The following PIGN variants were observed in gnomAD, a reference collection of about 807,000 sequenced individuals.
PIGN encodes phosphatidylinositol glycan anchor biosynthesis class N.
Under a neutral mutation model 125.4 loss-of-function variants are expected in PIGN, and 117 were observed. That is an observed-to-expected ratio of 0.93 (90% CI 0.80 to 1.09). The LOEUF (loss-of-function observed/expected upper bound fraction) is 1.09. Ranked by LOEUF, PIGN falls within the 50% of genes least tolerant of loss-of-function variation. PIGN has a pLI of 0.00. For missense variants in PIGN, 1,075 were observed against 1,094.9 expected (o/e 0.98, Z 0.26); for synonymous variants, 392 against 377.8 (o/e 1.04, Z -0.44).
chr18:62,072,978 A>G (rs1212248265), intron 29 of PIGN, among the ~76,000 whole-genome samples: 7 of 152,170 alleles, frequency 4.6e-5, no homozygotes, highest in African/African-American at 1.7e-4. Context: ...ATAAAGAAGA[A>G]CAAGCCAACA....
Position 62,140,875 on chromosome 18 carries a change from C to T in PIGN, c.964-396G>A, listed in dbSNP as rs117684022. On this transcript the variant is annotated intron_variant, in intron 11 of 30. Transcript: ENST00000640252. ...TATATTAAGTAGAAAAACAAAGTAT[C>T]AGAAGGAGGTTTGACCAGCCAGTGA... Among the ~76,000 whole-genome samples, 626 of 152,178 alleles carry T rather than the reference C, an allele frequency of 4.1e-3. 6 individuals are homozygous for T. The highest frequency in any genetic ancestry group is 0.024 in the South Asian group (116 of 4,816).
chr18:62,101,146 CTA>C lies in PIGN; in HGVS notation c.2004_2005del (p.Tyr668Ter). 6.2e-7 allele frequency: 1 copy of C among 1,609,008 alleles called. No homozygotes were observed. The highest frequency in any genetic ancestry group is 8.5e-7 in the Non-Finnish European group (1 of 1,176,196). ...CTTCCTGAGTAGACTACTCTGAGTG[CTA>C]TACACAACATACATGGAGAGCACTG... is the stretch of plus-strand genomic sequence containing the variant. On this transcript the variant is annotated stop_gained and frameshift_variant, in exon 22 of 31. Transcript: ENST00000640252. LOFTEE classifies it high-confidence loss of function.
intron 14 of PIGN, among the ~76,000 whole-genome samples, chr18:62,128,486 G>C (rs1746543138): frequency 2.0e-5 from 3 of 152,110 alleles, no homozygotes; most frequent in African/African-American, 7.2e-5. Context: ...CTTTAGAACA[G>C]ATGGGGTCCA....
At chr18:62,098,668 G>C (rs962385887) in intron 22 of PIGN, among the ~76,000 whole-genome samples, 1 of 152,112 alleles carries the variant, frequency 6.6e-6, no homozygotes, top group Non-Finnish European at 1.5e-5. Flanking sequence ...TGGTGTATCT[G>C]TGCCTAAAAG....
chr18:62,059,201 C>G (rs1168769523), intron 30 of PIGN: 1 of 121,984 alleles, frequency 8.2e-6, no homozygotes, highest in Non-Finnish European at 1.7e-5. Flanking sequence ...AAAAAAAACA[C>G]TGGATATAAT....
intron 16 of PIGN, among the ~76,000 whole-genome samples, chr18:62,110,845 AAT>A (rs938425499): frequency 6.8e-6 from 1 of 147,762 alleles, no homozygotes; most frequent in Non-Finnish European, 1.5e-5. Flanking sequence ...CATAATAAAA[AAT>A]ATATATATAA....
At position 62,143,328 on chromosome 18, in the gene PIGN, C is replaced by T. The variant is rs1237960253; in HGVS notation, c.941G>A (p.Trp314Ter). The T allele has an allele frequency of 1.3e-6, 2 of 1,529,250 alleles. No homozygotes were observed. The highest frequency in any genetic ancestry group is 1.8e-6 in the Non-Finnish European group (2 of 1,114,594). 94.7% of individuals were successfully genotyped at this position (1,529,250 alleles called of 1,614,324 possible). Residue 314 changes from tryptophan to a stop codon, truncating the protein, a stop_gained, in exon 11 of 31, where the codon TGG (tryptophan) becomes TAG (stop). Coordinates refer to ENST00000640252, the MANE Select transcript of PIGN (RefSeq NM_176787.5). LOFTEE classifies it high-confidence loss of function. ...AFLKEWRLENWKRLDVNQADI... is the reference protein window; with the variant it reads ...AFLKEWRLEN ...TACCTGATTGACATCTAGCCTCTTCCAATTCTCCAATCTCCACTCTGAAAG... is the reference window on the plus strand; with the variant it reads ...TACCTGATTGACATCTAGCCTCTTCTAATTCTCCAATCTCCACTCTGAAAG...
chr18:62,131,130 G>C (rs540576275), intron 14 of PIGN, among the ~76,000 whole-genome samples: 1 of 152,138 alleles, frequency 6.6e-6, no homozygotes, highest in Admixed American at 6.5e-5. Flanking sequence ...TCTAAGGGAA[G>C]GGCCTTTATC....
chr18:62,075,974 C>CG (rs2033150916), intron 28 of PIGN: 1 of 152,050 alleles, frequency 6.6e-6, no homozygotes, highest in Non-Finnish European at 1.5e-5. Flanking sequence ...CTCGCTCCGT[C>CG]GCCCAGGCTG....
rs2030610297 is a variant in PIGN, at chr18:62,045,606, A to T, written c.*250T>A. On this transcript the variant is annotated 3_prime_UTR_variant, in exon 31 of 31. Transcript: ENST00000640252. ...GGAAGAGCTGCCAGCCAAAGGAAAAAAATGAAAAAGGAGAATGCCTTCCTA... is the reference window on the plus strand; with the variant it reads ...GGAAGAGCTGCCAGCCAAAGGAAAATAATGAAAAAGGAGAATGCCTTCCTA... The T allele has an allele frequency of 3.2e-6, 1 of 310,386 alleles. No individual in the cohort carries two copies. The highest frequency in any genetic ancestry group is 6.0e-6 in the Non-Finnish European group (1 of 165,918). 19.2% of individuals were successfully genotyped at this position (310,386 alleles called of 1,614,324 possible). A position where few individuals can be genotyped will look rare whatever the true frequency, so the allele number is the denominator to read the frequency against.
At chr18:62,181,520 C>G (rs568252702) in intron 1 of PIGN, among the ~76,000 whole-genome samples, 39 of 152,280 alleles carry the variant, frequency 2.6e-4, no homozygotes, top group African/African-American at 7.7e-4. Flanking sequence ...AAGTCATCCT[C>G]CCACCTCAGC....
rs34697881 is a variant in PIGN at position 62,086,618 on chromosome 18, GTT to G, written c.2371-1356_2371-1355del. 2.2e-3 allele frequency among the ~76,000 whole-genome samples: 310 copies of G among 143,420 alleles called. 1 individual carries two copies. The highest frequency in any genetic ancestry group is 3.6e-3 in the Middle Eastern group (1 of 278). The allele number at this position is 143,420 out of a possible 152,430, so 94.1% of individuals were successfully genotyped here. A position where few individuals can be genotyped will look rare whatever the true frequency, so the allele number is the denominator to read the frequency against. The stretch of plus-strand genomic sequence containing the variant: ...GTGACAGAGTAAGACTCCGTTTTTT[GTT>G]TTTTTTTTTTTTTTAAAAAGCCTGA... On this transcript the variant is annotated intron_variant, in intron 25 of 30. Coordinates refer to ENST00000640252, the MANE Select transcript of PIGN (RefSeq NM_176787.5).
chr18:62,125,771 T>G (rs2146886431), intron 14 of PIGN, among the ~76,000 whole-genome samples: 1 of 152,220 alleles, frequency 6.6e-6, no homozygotes, highest in East Asian at 1.9e-4. Flanking sequence ...TTGGTGTATA[T>G]TCTATTACGA....
chr18:62,129,607 T>G (rs1261796790), intron 14 of PIGN, among the ~76,000 whole-genome samples: 1 of 152,190 alleles, frequency 6.6e-6, no homozygotes, highest in Non-Finnish European at 1.5e-5. Flanking sequence ...AATTATCCCT[T>G]ATCATGCTGT....
At chr18:62,146,387 G>C (rs1419446761) in intron 9 of PIGN, among the ~76,000 whole-genome samples, 1 of 152,174 alleles carries the variant, frequency 6.6e-6, no homozygotes, top group Non-Finnish European at 1.5e-5. Flanking sequence ...ACCCAAGCTT[G>C]GGGCAAGCAG....
intron 1 of PIGN, among the ~76,000 whole-genome samples, chr18:62,185,747 G>A (rs1479859854): frequency 4.3e-5 from 2 of 46,326 alleles, no homozygotes; most frequent in African/African-American, 1.1e-4. Flanking sequence ...AGAAATAGCA[G>A]TCTAATTGTA....
intron 14 of PIGN, chr18:62,136,951 G>A (rs887415638): frequency 1.8e-5 from 7 of 394,152 alleles, no homozygotes; most frequent in African/African-American, 1.4e-4. Flanking sequence ...TTTGCCTACT[G>A]TGATGGTTAA....
At chr18:62,107,147 A>C in intron 17 of PIGN, 62 bp from the exon 18 acceptor site, 1 of 1,035,990 alleles carries the variant, frequency 9.7e-7, no homozygotes, top group Non-Finnish European at 1.5e-6. Flanking sequence ...ATAACAATAC[A>C]AACTTTGCAC....
At chr18:62,073,554 T>G (rs2033009876) in intron 29 of PIGN, among the ~76,000 whole-genome samples, 1 of 152,220 alleles carries the variant, frequency 6.6e-6, no homozygotes, top group South Asian at 2.1e-4. Context: ...TATACAAAAT[T>G]AATCAGAATT....
Sources: allele counts gnomAD v4.1 joint callset (sites outside exome capture counted in the v4.1 genomes callset), GRCh38; gene constraint gnomAD v4.1.1; transcripts MANE v1.5; gene names NCBI Gene and HGNC (gene_info 2026-07-23, HGNC 2026-07-21).